STAG1: variants seen among roughly 807,000 people sequenced by gnomAD.
The protein encoded by STAG1 is STAG1 cohesin complex component, also known as cohesin subunit SA-1.
STAG1 carries 26 observed loss-of-function variants against 170.9 expected under a neutral mutation model. The ratio of observed to expected loss-of-function variants is 0.15; its 90% CI spans 0.11 to 0.21. STAG1 has a LOEUF of 0.21. Among genes scored for constraint, STAG1 ranks in the 10% least tolerant of loss-of-function variants. The probability of loss-of-function intolerance (pLI) is 1.00; values close to 1 mark genes in which losing one functional copy is unlikely to be tolerated. For missense variants in STAG1, 964 were observed against 1,509.5 expected, an observed-to-expected ratio of 0.64 and a Z score of 5.99; for synonymous variants, 514 against 497.7, an observed-to-expected ratio of 1.03 and a Z score of -0.44.
chr3:136,623,099 A>T, intron 3 of STAG1, 47 bp downstream of exon 3: 1 of 1,511,134 alleles, frequency 6.6e-7, no homozygotes, highest in Non-Finnish European at 9.1e-7. Context: ...TAAACTCATT[A>T]ACACGGTCAC....
chr3:136,733,487 A>G (rs1576826974), intron 1 of STAG1, among the ~76,000 whole-genome samples: 1 of 152,156 alleles, frequency 6.6e-6, no homozygotes, highest in East Asian at 1.9e-4. Flanking sequence ...TACTTTTATT[A>G]TTATTCCCAT....
intron 7 of STAG1, among the ~76,000 whole-genome samples, chr3:136,512,151 A>C (rs887019624): frequency 2.6e-5 from 4 of 150,956 alleles, no homozygotes; most frequent in Non-Finnish European, 4.4e-5. Flanking sequence ...AAAGAAAGAA[A>C]AGGAAAATTA....
At chr3:136,492,900 G>A (rs754477574) in intron 9 of STAG1, among the ~76,000 whole-genome samples, 3 of 152,068 alleles carry the variant, frequency 2.0e-5, no homozygotes, top group African/African-American at 4.8e-5. Flanking sequence ...AGTAACTAAT[G>A]TAGACAAAAT....
At position 136,361,801 on chromosome 3, in the gene STAG1, G is replaced by A. The variant is rs1033388409; in HGVS notation, c.2787+1565C>T. On this transcript the variant is annotated intron_variant, in intron 26 of 33. Coordinates refer to ENST00000383202, the MANE Select transcript of STAG1 (RefSeq NM_005862.3). ...TATTTTTGTTTTTGTTTTTGGAGAC[G>A]GGGTCTTGCCATGTTGCCCAGGCTG... Among the ~76,000 whole-genome samples the A allele has an allele frequency of 3.9e-5, 6 of 152,056 alleles. No individual in the cohort carries two copies. The South Asian group carries it at 1.2e-3, about 32-fold the overall frequency.
At chr3:136,435,371 T>C (rs1038188533) in intron 15 of STAG1, among the ~76,000 whole-genome samples, 1 of 152,160 alleles carries the variant, frequency 6.6e-6, no homozygotes, top group Non-Finnish European at 1.5e-5. Context: ...AGTAGAGCAT[T>C]CAAATATATG....
chr3:136,465,908 G>A (rs1206363390), intron 12 of STAG1, among the ~76,000 whole-genome samples: 2 of 152,080 alleles, frequency 1.3e-5, no homozygotes, highest in East Asian at 1.9e-4. Flanking sequence ...GCTGAGCATG[G>A]CAGTGCATGC....
chr3:136,638,851 A>G (rs1017881), intron 1 of STAG1, among the ~76,000 whole-genome samples: 111,509 of 151,864 alleles, frequency 0.73, 41,029 homozygotes, highest in East Asian at 0.86. Context: ...GCAGTGAGCC[A>G]GGATCACGCC....
intron 1 of STAG1, among the ~76,000 whole-genome samples, chr3:136,709,405 T>C (rs942016764): frequency 6.6e-6 from 1 of 151,886 alleles, no homozygotes; most frequent in Non-Finnish European, 1.5e-5. Context: ...ATCATTTACA[T>C]AGAAGAACTC....
At chr3:136,568,412 T>C (rs1937155953) in intron 5 of STAG1, among the ~76,000 whole-genome samples, 1 of 152,128 alleles carries the variant, frequency 6.6e-6, no homozygotes, top group Non-Finnish European at 1.5e-5. Flanking sequence ...AAAGAATGAA[T>C]GCTAGCAACT....
rs191575949 is a variant in STAG1, at chr3:136,729,425, A to C, written c.-84+22770T>G. Among the ~76,000 whole-genome samples, 5 of 152,304 alleles carry C rather than the reference A, an allele frequency of 3.3e-5. No homozygotes were observed. In the East Asian group the frequency reaches 9.6e-4, roughly 29 times the overall value. Reference sequence around the variant, plus strand: ...AAGAGAATTAATTATATTCAAATACAATTATCAATATATTAAAGCAACTTA... The same window carrying C: ...AAGAGAATTAATTATATTCAAATACCATTATCAATATATTAAAGCAACTTA... On this transcript the variant is annotated intron_variant, in intron 1 of 33. Transcript: ENST00000383202.
chr3:136,523,752 A>C (rs1934825455), intron 6 of STAG1, among the ~76,000 whole-genome samples: 1 of 152,144 alleles, frequency 6.6e-6, no homozygotes, highest in Non-Finnish European at 1.5e-5. Context: ...TCTTTAATTC[A>C]TCTTGAATTA....
chr3:136,424,321 G>A (rs1310392023), intron 16 of STAG1, among the ~76,000 whole-genome samples: 1 of 148,190 alleles, frequency 6.7e-6, no homozygotes, highest in African/African-American at 2.5e-5. Flanking sequence ...ATTTTTGATG[G>A]AACGATCTTT....
chr3:136,690,673 G>GTCAC (rs1350316695), intron 1 of STAG1, among the ~76,000 whole-genome samples: 4 of 152,170 alleles, frequency 2.6e-5, no homozygotes, highest in African/African-American at 7.2e-5. Flanking sequence ...GGGTAAAAGA[G>GTCAC]TCACAGGAGT....
intron 4 of STAG1, among the ~76,000 whole-genome samples, chr3:136,578,590 A>G (rs1576627661): frequency 6.6e-6 from 1 of 152,212 alleles, no homozygotes; most frequent in Non-Finnish European, 1.5e-5. Flanking sequence ...TCCCAAAGGG[A>G]CCTGTAGCCA....
chr3:136,559,201 C>G (rs1936744035), intron 5 of STAG1, among the ~76,000 whole-genome samples: 1 of 151,878 alleles, frequency 6.6e-6, no homozygotes, highest in South Asian at 2.1e-4. Context: ...GATAAGAATT[C>G]ATTAAAATAG....
At chr3:136,630,153 C>T (rs975280877) in intron 2 of STAG1, among the ~76,000 whole-genome samples, 1 of 152,128 alleles carries the variant, frequency 6.6e-6, no homozygotes, top group African/African-American at 2.4e-5. Context: ...CGAGATCGCA[C>T]CACTGCATTC....
Position 136,340,600 on chromosome 3 carries a change from C to G in STAG1, c.3563G>C (p.Gly1188Ala), listed in dbSNP as rs1314421660. The change falls in exon 32 of 34, where the codon GGT becomes GCT. Residue 1188 changes from glycine (G) to alanine (A), a missense_variant. Physicochemically the swap from Gly to Ala is moderately conservative, Grantham distance 60. Around this residue, in one of 11 missense-constraint regions of STAG1, gnomAD observed 59 missense variants for 104.2 expected, o/e 0.57. Transcript: ENST00000383202. ...VRTGVRHAVRGLMEEDAEPIF... is the reference protein window; with the variant it reads ...VRTGVRHAVRALMEEDAEPIF... ...GGGCTCAGCATCTTCCTCCATTAGA[C>G]CCCGACTGGTAAGAAAAAGGTATTG... The G allele has an allele frequency of 1.9e-6, 3 of 1,606,986 alleles. No individual in the cohort carries two copies. Among genetic ancestry groups the G allele is most frequent in the Non-Finnish European group, 1.7e-6 (2 of 1,173,460 alleles).
At chr3:136,649,503 C>CAAAAAAAAA (rs761067087) in intron 1 of STAG1, among the ~76,000 whole-genome samples, 4 of 70,858 alleles carry the variant, frequency 5.6e-5, no homozygotes, top group Admixed American at 3.3e-4. Context: ...AAAACAGAAA[C>CAAAAAAAAA]AAAAAAAAAA....
intron 21 of STAG1, among the ~76,000 whole-genome samples, chr3:136,409,195 C>T (rs1230541523): frequency 6.6e-6 from 1 of 151,918 alleles, no homozygotes; most frequent in African/African-American, 2.4e-5. Context: ...ACCTGGGAGG[C>T]GGAGGTTGCA....
Sources: gnomAD v4.1 joint callset for allele counts (sites outside exome capture counted in the v4.1 genomes callset) on GRCh38, gnomAD v4.1.1 for gene constraint, gnomAD v4.1.1 regional missense constraint, MANE v1.5 for transcripts, NCBI Gene and HGNC (gene_info 2026-07-23, HGNC 2026-07-21) for gene names.